The following CFAP299 variants were observed in gnomAD, a reference collection of about 807,000 sequenced individuals.
CFAP299 encodes cilia and flagella associated protein 299.
A neutral mutation model predicts 27.0 loss-of-function variants in CFAP299; 21 were observed. That is an observed-to-expected ratio of 0.78 (90% CI 0.55 to 1.12). The LOEUF (loss-of-function observed/expected upper bound fraction) is 1.12. Among genes scored for constraint, CFAP299 ranks in the 50% most tolerant of loss-of-function variants. The pLI is 0.00. For missense variants in CFAP299, 310 were observed against 276.6 expected (o/e 1.12, Z -0.86); for synonymous variants, 104 against 98.1 (o/e 1.06, Z -0.36).
intron 3 of CFAP299, among the ~76,000 whole-genome samples, chr4:80,704,173 C>T (rs1027633299): frequency 6.6e-6 from 1 of 151,430 alleles, no homozygotes; most frequent in African/African-American, 2.4e-5. Context: ...ATTTAGAATC[C>T]AGGTGGCATA....
intron 4 of CFAP299, among the ~76,000 whole-genome samples, chr4:80,909,457 C>A (rs1261268635): frequency 1.3e-5 from 2 of 151,816 alleles, no homozygotes; most frequent in Non-Finnish European, 2.9e-5. Flanking sequence ...TATAAAAATA[C>A]ATATTAATAA....
chr4:80,566,603 C>T (rs146731569), intron 2 of CFAP299, among the ~76,000 whole-genome samples: 1 of 152,172 alleles, frequency 6.6e-6, no homozygotes, highest in South Asian at 2.1e-4. Context: ...TGCTCGTGAC[C>T]AGTTTCAGCG....
chr4:80,868,420 A>G (rs1732874061), intron 3 of CFAP299, among the ~76,000 whole-genome samples: 1 of 152,218 alleles, frequency 6.6e-6, no homozygotes, highest in South Asian at 2.1e-4. Context: ...CTGTTCCTGG[A>G]TAATTCTTTT....
At chr4:80,608,337 A>G in intron 3 of CFAP299, 1 of 1,529,762 alleles carries the variant, frequency 6.5e-7, no homozygotes, top group Non-Finnish European at 8.8e-7. Context: ...TTTAAGCTAA[A>G]TCAACAGGAG....
At chr4:80,899,935 A>G (rs181600401) in intron 4 of CFAP299, among the ~76,000 whole-genome samples, 117 of 152,320 alleles carry the variant, frequency 7.7e-4, no homozygotes, top group Non-Finnish European at 9.8e-4. Context: ...AGAAATGCCC[A>G]TTGTGTCTGG....
chr4:80,823,559 T>G (rs1034423678), intron 3 of CFAP299, among the ~76,000 whole-genome samples: 1 of 152,156 alleles, frequency 6.6e-6, no homozygotes, highest in African/African-American at 2.4e-5. Context: ...CTGTCTTTCA[T>G]CCAGTAGCTG....
chr4:80,655,784 A>C (rs77560018), intron 3 of CFAP299, among the ~76,000 whole-genome samples: 1 of 152,164 alleles, frequency 6.6e-6, no homozygotes, highest in Admixed American at 6.6e-5. Context: ...AATTATAAAC[A>C]TGGGGCCCCA....
chr4:80,673,337 T>G (rs1274459171), intron 3 of CFAP299, among the ~76,000 whole-genome samples: 1 of 152,196 alleles, frequency 6.6e-6, no homozygotes, highest in Non-Finnish European at 1.5e-5. Context: ...AGTTTCTTAA[T>G]CCTGAGTTCT....
At chr4:80,817,731 T>C (rs1729493064) in intron 3 of CFAP299, among the ~76,000 whole-genome samples, 1 of 152,032 alleles carries the variant, frequency 6.6e-6, no homozygotes, top group Non-Finnish European at 1.5e-5. Context: ...ACAACTTTTT[T>C]TTTTCCAAAT....
At chr4:80,878,218 T>C (rs1219088977) in intron 4 of CFAP299, among the ~76,000 whole-genome samples, 4 of 152,110 alleles carry the variant, frequency 2.6e-5, no homozygotes, top group African/African-American at 9.7e-5. Flanking sequence ...AGCCAAATAT[T>C]CTTTTCTTTG....
intron 4 of CFAP299, among the ~76,000 whole-genome samples, chr4:80,876,025 T>C (rs1733357218): frequency 6.6e-6 from 1 of 152,010 alleles, no homozygotes; most frequent in African/African-American, 2.4e-5. Context: ...GAGATGATTA[T>C]GATGATGATT....
chr4:80,472,626 T>C (rs1259519309), intron 2 of CFAP299, among the ~76,000 whole-genome samples: 2 of 152,136 alleles, frequency 1.3e-5, no homozygotes, highest in Non-Finnish European at 2.9e-5. Flanking sequence ...TGAGGGAACT[T>C]ACACGTAGGA....
chr4:80,942,168 T>A (rs1737230075), intron 4 of CFAP299, among the ~76,000 whole-genome samples: 1 of 152,224 alleles, frequency 6.6e-6, no homozygotes, highest in Admixed American at 6.5e-5. Flanking sequence ...AGACCATGGT[T>A]GTAGTCTGGA....
the CFAP299 span, among the ~76,000 whole-genome samples, chr4:80,330,362 T>A: frequency 2.0e-5 from 3 of 152,222 alleles, no homozygotes; most frequent in East Asian, 5.8e-4. Flanking sequence ...GCTTGGAGAG[T>A]ATGATTAAAG....
chr4:80,826,267 C>A (rs1729979611), intron 3 of CFAP299, among the ~76,000 whole-genome samples: 1 of 150,928 alleles, frequency 6.6e-6, no homozygotes, highest in Non-Finnish European at 1.5e-5. Context: ...AAATATTTCA[C>A]TAGAAAAAAA....
At chr4:80,563,967 C>T (rs1735161795) in intron 2 of CFAP299, among the ~76,000 whole-genome samples, 1 of 151,854 alleles carries the variant, frequency 6.6e-6, no homozygotes, top group Non-Finnish European at 1.5e-5. Context: ...TACATACAAC[C>T]AGCCAAGTTT....
At chr4:80,710,494 T>C (rs1394653140) in intron 3 of CFAP299, among the ~76,000 whole-genome samples, 1 of 111,242 alleles carries the variant, frequency 9.0e-6, no homozygotes, top group African/African-American at 2.7e-5. Flanking sequence ...TTTTTTTTTT[T>C]TTTTTTAAAA....
chr4:80,684,377 C>A (rs1490025243), intron 3 of CFAP299, among the ~76,000 whole-genome samples: 1 of 152,120 alleles, frequency 6.6e-6, no homozygotes, highest in African/African-American at 2.4e-5. Flanking sequence ...CATTCTCCTG[C>A]CTCAGCCTCC....
rs111940509 is a variant in CFAP299 at position 80,675,990 on chromosome 4, G to A, written c.333+92807G>A. On this transcript the variant is annotated intron_variant, in intron 3 of 5. Transcript: ENST00000358105. ...AAAGGGAAATCCCCCAACCCCTTGT[G>A]CTTCTCAGGTGAGGCAATGCCCTGC... 8.4e-3 allele frequency among the ~76,000 whole-genome samples: 1,284 copies of A among 152,144 alleles called. 21 individuals are homozygous for A. Among genetic ancestry groups the A allele is most frequent in the African/African-American group, 0.03 (1,228 of 41,508 alleles).
Sources: gnomAD v4.1 joint callset for allele counts (sites outside exome capture counted in the v4.1 genomes callset) on GRCh38, gnomAD v4.1.1 for gene constraint, MANE v1.5 for transcripts, NCBI Gene and HGNC (gene_info 2026-07-23, HGNC 2026-07-21) for gene names.